The following MATR3 variants were observed in gnomAD, a reference collection of about 807,000 sequenced individuals.
MATR3 encodes the protein matrin 3, also known as matrin-3.
MATR3 carries 4 observed loss-of-function variants against 85.5 expected under a neutral mutation model. That is an observed-to-expected ratio of 0.05 (90% CI 0.02 to 0.11). MATR3 has a LOEUF of 0.11. Among genes scored for constraint, MATR3 ranks in the 10% least tolerant of loss-of-function variants. The pLI is 1.00. For synonymous variants in MATR3, 336 were observed against 343.1 expected, an observed-to-expected ratio of 0.98 and a Z score of 0.23; for missense variants, 685 against 1,016.1, an observed-to-expected ratio of 0.67 and a Z score of 4.43.
intron 1 of MATR3, among the ~76,000 whole-genome samples, chr5:139,299,205 C>T (rs955870250): frequency 1.2e-4 from 18 of 152,152 alleles, no homozygotes; most frequent in African/African-American, 4.3e-4. Flanking sequence ...GAGAAAATAA[C>T]TGGTATTACA....
At chr5:139,299,123 G>GT (rs1294877599) in intron 1 of MATR3, among the ~76,000 whole-genome samples, 2 of 152,162 alleles carry the variant, frequency 1.3e-5, no homozygotes, top group Non-Finnish European at 2.9e-5. Context: ...TCTCGTTAAT[G>GT]TTTTGTTTCG....
intron 7 of MATR3, among the ~76,000 whole-genome samples, chr5:139,317,931 G>A (rs978547164): frequency 2.0e-5 from 3 of 152,144 alleles, no homozygotes. Context: ...TCCTTAGGTA[G>A]TAATTGTCAT....
chr5:139,281,715 G>T (rs939154706), intron 3 of MATR3, among the ~76,000 whole-genome samples: 6 of 152,056 alleles, frequency 3.9e-5, no homozygotes, highest in African/African-American at 1.2e-4. Context: ...AGACTGGCAG[G>T]GTTACTGGTC....
intron 6 of MATR3, 148 bp from the exon 7 acceptor site, chr5:139,317,448 T>C (rs771662450): frequency 2.9e-5 from 23 of 800,166 alleles, no homozygotes; most frequent in Non-Finnish European, 4.1e-5. Context: ...ACGTTTGATA[T>C]GTAGCTTTAA....
intron 7 of MATR3, 126 bp from the exon 8 acceptor site, chr5:139,318,782 T>C: frequency 1.1e-6 from 1 of 885,550 alleles, no homozygotes; most frequent in Non-Finnish European, 1.8e-6. Context: ...AAGTATTTTC[T>C]ACTTAATGAT....
At chr5:139,328,993 A>C (rs1755994750) in intron 14 of MATR3, among the ~76,000 whole-genome samples, 1 of 152,088 alleles carries the variant, frequency 6.6e-6, no homozygotes, top group South Asian at 2.1e-4. Flanking sequence ...CAACAGAGCA[A>C]AACTCTCCCT....
intron 1 of MATR3, among the ~76,000 whole-genome samples, chr5:139,300,427 A>G (rs1754378397): frequency 6.6e-6 from 1 of 152,328 alleles, no homozygotes; most frequent in Non-Finnish European, 1.5e-5. Flanking sequence ...GGTGACCAGT[A>G]TGACATTAAA....
intron 5 of MATR3, among the ~76,000 whole-genome samples, chr5:139,316,685 G>A (rs561929844): frequency 3.3e-5 from 5 of 152,076 alleles, no homozygotes; most frequent in Non-Finnish European, 7.4e-5. Context: ...GAGTAACTGG[G>A]ATTACAAGTA....
chr5:139,322,168 C>G, intron 10 of MATR3, 139 bp downstream of exon 10: 1 of 1,090,262 alleles, frequency 9.2e-7, no homozygotes, highest in South Asian at 1.4e-5. Context: ...AAGAGAACAA[C>G]CTTTTTTTCT....
chr5:139,307,200 T>C lies in MATR3; in HGVS notation c.-177-39T>C. 7.9e-7 allele frequency: 1 copy of C among 1,266,444 alleles called. No homozygotes were observed. The highest frequency in any genetic ancestry group is 2.8e-5 in the South Asian group (1 of 36,138). The allele number at this position is 1,266,444 out of a possible 1,614,324, so 78.5% of individuals were successfully genotyped here. On this transcript the variant is annotated intron_variant, in intron 1 of 14. Transcript: ENST00000394805. The surrounding 1 kb of genome is among the most constrained non-coding windows in gnomAD (Gnocchi z 4.4). ...TTTTCTTAAAAAAACGGCATCTGCT[T>C]AAAGGGATTTATGACTAAAATTGCT...
At chr5:139,329,302 T>TTC in intron 14 of MATR3, 43 bp from the exon 15 acceptor site, 1 of 1,424,588 alleles carries the variant, frequency 7.0e-7, no homozygotes, top group Non-Finnish European at 9.9e-7. Context: ...TTTGCTGCAT[T>TTC]TCTCTTAGGT....
In MATR3 at chr5:139,329,216, G is replaced by A. The variant is rs1254198029; in HGVS notation, c.2494-129G>A. 5.1e-5 allele frequency: 36 copies of A among 699,788 alleles called. No homozygotes were observed. The Admixed American group carries it at 5.4e-4, about 11-fold the overall frequency. 43.3% of individuals were successfully genotyped at this position (699,788 alleles called of 1,614,324 possible). ...GTGTGCTAATGAGGATTAACTAATT[G>A]TTGAAAATATTGACAAAATTATAGT... is the stretch of plus-strand genomic sequence containing the variant. On this transcript the variant is annotated intron_variant, in intron 14 of 14. Transcript: ENST00000394805.
intron 2 of MATR3, chr5:139,310,466 T>C (rs1754913905): frequency 6.6e-6 from 1 of 152,184 alleles, no homozygotes. Context: ...ATTGAAAAAA[T>C]CTTTACTCAC....
At chr5:139,283,218 GA>G in intron 3 of MATR3, 1 of 152,390 alleles carries the variant, frequency 6.6e-6, no homozygotes, top group African/African-American at 2.4e-5. Flanking sequence ...TGAGTTGAAG[GA>G]GAGGGAAGAT....
chr5:139,312,626 T>A (rs1236624304), intron 2 of MATR3: 1 of 152,170 alleles, frequency 6.6e-6, no homozygotes, highest in Admixed American at 6.5e-5. Flanking sequence ...TTTGGATGAG[T>A]TCCATTTTAG....
intron 3 of MATR3, among the ~76,000 whole-genome samples, chr5:139,281,053 C>A (rs906143931): frequency 6.6e-6 from 1 of 152,118 alleles, no homozygotes; most frequent in Non-Finnish European, 1.5e-5. Flanking sequence ...ACTGTGTCAC[C>A]CAGCCTGGTG....
At chr5:139,299,285 G>A (rs1754320259) in intron 1 of MATR3, among the ~76,000 whole-genome samples, 1 of 152,210 alleles carries the variant, frequency 6.6e-6, no homozygotes, top group Non-Finnish European at 1.5e-5. Flanking sequence ...TTCTGTAAAT[G>A]GAATAGTAAG....
rs1755182560 is a variant in MATR3 at position 139,315,219 on chromosome 5, A to G, written c.975-478A>G. On this transcript the variant is annotated intron_variant, in intron 3 of 14. Coordinates refer to ENST00000394805, the MANE Select transcript of MATR3 (RefSeq NM_018834.6). Reference sequence around the variant, plus strand: ...GCTGCTACCATGAAATGGAATTCCTAAAGAAACTCCCTGCTTAAGCAGCAC... The same window carrying G: ...GCTGCTACCATGAAATGGAATTCCTGAAGAAACTCCCTGCTTAAGCAGCAC... 1.9e-5 allele frequency: 4 copies of G among 205,648 alleles called. No individual in the cohort carries two copies. The South Asian group carries it at 3.0e-4, about 16-fold the overall frequency. The allele number at this position is 205,648 out of a possible 1,614,324, so 12.7% of individuals were successfully genotyped here. A position where few individuals can be genotyped will look rare whatever the true frequency, so the allele number is the denominator to read the frequency against.
At chr5:139,314,511 TTCAGAGAA>T in intron 2 of MATR3, 156 bp from the exon 3 acceptor site, 1 of 638,830 alleles carries the variant, frequency 1.6e-6, no homozygotes, top group South Asian at 1.6e-5. Flanking sequence ...GCCTCAAGGA[TTCAGAGAA>T]ATGGTTTTAA....
Sources: allele counts gnomAD v4.1 joint callset (sites outside exome capture counted in the v4.1 genomes callset), GRCh38; gene constraint gnomAD v4.1.1; non-coding constraint Gnocchi (gnomAD v3.1); transcripts MANE v1.5; gene names NCBI Gene and HGNC (gene_info 2026-07-23, HGNC 2026-07-21).